The following IGDCC3 variants were observed in gnomAD, a reference collection of about 807,000 sequenced individuals.
IGDCC3 encodes the protein immunoglobulin superfamily DCC subclass member 3.
IGDCC3 carries 47 observed loss-of-function variants against 72.0 expected under a neutral mutation model. The ratio of observed to expected loss-of-function variants is 0.65; its 90% CI spans 0.52 to 0.83. The LOEUF is 0.83. Ranked by LOEUF, IGDCC3 falls within the 40% of genes least tolerant of loss-of-function variation. IGDCC3 has a pLI of 0.00. For synonymous variants in IGDCC3, 477 were observed against 472.8 expected, an observed-to-expected ratio of 1.01 and a Z score of -0.11; for missense variants, 1,038 against 1,091.3, an observed-to-expected ratio of 0.95 and a Z score of 0.69.
Position 65,377,599 on chromosome 15 carries a change from G to T in IGDCC3, c.103+87C>A. The T allele has an allele frequency of 7.9e-7, 1 of 1,259,312 alleles. No individual in the cohort carries two copies. The highest frequency in any genetic ancestry group is 1.0e-6 in the Non-Finnish European group (1 of 990,474). The allele number at this position is 1,259,312 out of a possible 1,614,324, so 78.0% of individuals were successfully genotyped here. On this transcript the variant is annotated intron_variant, in intron 1 of 13. Transcript: ENST00000327987. This position sits in a 1 kb window ranked among gnomAD's most constrained non-coding sequence, Gnocchi z 4.9. ...CCCTCAGGTCCGCGCCGCTCTCCCC[G>T]GGTCCGCCCCTCGCGCCCGCTCCCT... is the stretch of plus-strand genomic sequence containing the variant.
chr15:65,341,153 G>T (rs190216987), intron 2 of IGDCC3, among the ~76,000 whole-genome samples: 7 of 152,152 alleles, frequency 4.6e-5, no homozygotes, highest in Non-Finnish European at 7.4e-5. Context: ...AAGAGAGAGA[G>T]AAAAGACCCT....
intron 2 of IGDCC3, among the ~76,000 whole-genome samples, chr15:65,358,623 C>T (rs923110009): frequency 7.9e-5 from 12 of 152,074 alleles, no homozygotes; most frequent in Admixed American, 3.3e-4. Context: ...AGCCTCCGGG[C>T]CTAAATTAGA....
chr15:65,334,749 T>A lies in IGDCC3; in HGVS notation c.802A>T (p.Ile268Phe). Residue 268 changes from isoleucine (I) to phenylalanine (F), a missense_variant, in exon 5 of 14, where the codon ATT becomes TTT. Transcript: ENST00000327987. ...TCACCCAGGCGGCTCCAGGACACAA[T>A]GGGGCGCGGGTTGCCCGTGGCGACA... The part of the protein sequence containing the change: ...ECVATGNPRP[I>F]VSWSRLDGRP... The A allele has an allele frequency of 1.3e-6, 2 of 1,586,884 alleles. No individual in the cohort carries two copies. Among genetic ancestry groups the A allele is most frequent in the Non-Finnish European group, 1.7e-6 (2 of 1,166,718 alleles).
chr15:65,338,820 C>T (rs1277191731), intron 2 of IGDCC3, among the ~76,000 whole-genome samples: 1 of 152,234 alleles, frequency 6.6e-6, no homozygotes, highest in Non-Finnish European at 1.5e-5. Flanking sequence ...ACAGGATCCA[C>T]AATCTCTGGG....
intron 7 of IGDCC3, 93 bp downstream of exon 7, chr15:65,331,848 C>T: frequency 1.4e-6 from 2 of 1,458,286 alleles, no homozygotes; most frequent in Non-Finnish European, 1.9e-6. Context: ...TCTTCCCTGG[C>T]AGGAGGTGTA....
At chr15:65,342,659 T>C (rs1467829894) in intron 2 of IGDCC3, among the ~76,000 whole-genome samples, 1 of 152,014 alleles carries the variant, frequency 6.6e-6, no homozygotes, top group Non-Finnish European at 1.5e-5. Flanking sequence ...CTCCTCTCCA[T>C]CCTCATCACT....
chr15:65,351,512 C>CGACA (rs2091173303), intron 2 of IGDCC3, among the ~76,000 whole-genome samples: 1 of 142,646 alleles, frequency 7.0e-6, no homozygotes, highest in Non-Finnish European at 1.5e-5. Flanking sequence ...CCAGCCTGGG[C>CGACA]GACAGAGTGA....
chr15:65,356,847 G>GTTTTTTTTTTTTTTTT (rs1189300061), intron 2 of IGDCC3, among the ~76,000 whole-genome samples: 2 of 61,782 alleles, frequency 3.2e-5, no homozygotes, highest in Non-Finnish European at 6.3e-5. Flanking sequence ...GAATGGACCT[G>GTTTTTTTTTTTTTTTT]CTTTTTTTTT....
At chr15:65,331,777 C>T in intron 7 of IGDCC3, 118 bp from the exon 8 acceptor site, 1 of 1,403,770 alleles carries the variant, frequency 7.1e-7, no homozygotes, top group Non-Finnish European at 9.6e-7. Flanking sequence ...TGTGAGGTCT[C>T]CCAGCAAGTT....
intron 5 of IGDCC3, among the ~76,000 whole-genome samples, chr15:65,334,404 A>G (rs2091007599): frequency 2.0e-5 from 3 of 151,610 alleles, no homozygotes; most frequent in Non-Finnish European, 4.4e-5. Context: ...GCAGGAGGGG[A>G]CAGATTCTGG....
chr15:65,371,249 C>T (rs1418116989), intron 2 of IGDCC3, among the ~76,000 whole-genome samples: 1 of 152,242 alleles, frequency 6.6e-6, no homozygotes, highest in African/African-American at 2.4e-5. Context: ...GACCCATCAC[C>T]TCATTTACTC....
intron 2 of IGDCC3, among the ~76,000 whole-genome samples, chr15:65,357,888 TAGTC>T (rs1244718715): frequency 6.6e-6 from 1 of 152,190 alleles, no homozygotes; most frequent in Non-Finnish European, 1.5e-5. Flanking sequence ...TCTGCCTAGT[TAGTC>T]AGTTTAGAGA....
chr15:65,353,765 A>G (rs1379558836), intron 2 of IGDCC3, among the ~76,000 whole-genome samples: 2 of 152,268 alleles, frequency 1.3e-5, no homozygotes, highest in East Asian at 3.9e-4. Flanking sequence ...TGGCAACATC[A>G]GGAAGTTACC....
At chr15:65,370,618 G>A (rs11853383) in intron 2 of IGDCC3, among the ~76,000 whole-genome samples, 41 of 56,822 alleles carry the variant, frequency 7.2e-4, no homozygotes, top group African/African-American at 2.1e-3. Context: ...ATATATGTAT[G>A]TGTATATATA....
chr15:65,362,834 C>A (rs1019866555), intron 2 of IGDCC3, among the ~76,000 whole-genome samples: 13 of 140,890 alleles, frequency 9.2e-5, no homozygotes, highest in Admixed American at 3.6e-4. Context: ...TTATTACCAG[C>A]GAGGTTTGGG....
intron 2 of IGDCC3, among the ~76,000 whole-genome samples, chr15:65,348,539 A>C (rs899425145): frequency 4.6e-5 from 7 of 152,176 alleles, no homozygotes; most frequent in African/African-American, 7.2e-5. Context: ...TGCTGACTGG[A>C]AGACTTTGGG....
intron 2 of IGDCC3, among the ~76,000 whole-genome samples, chr15:65,369,890 C>G (rs2091312714): frequency 6.6e-6 from 1 of 152,118 alleles, no homozygotes; most frequent in African/African-American, 2.4e-5. Flanking sequence ...CACAGACCTC[C>G]ACCCAGACCC....
chr15:65,328,981 G>A lies in IGDCC3; in HGVS notation c.2373C>T (p.Gly791=). ...TGGAAGCCTGGCCTTCACTGAGGAG[G>A]CCAGGGCCTCCATCTGGGGGTGGTG... ...AAPPPPDGGP[G]LLSEGQASRP... is the part of the protein sequence containing the mutation. Residue 791 remains glycine, a synonymous_variant, in exon 14 of 14, where the codon GGC becomes GGT. Coordinates refer to ENST00000327987, the MANE Select transcript of IGDCC3 (RefSeq NM_004884.4). 1 of 1,608,092 alleles carries A rather than the reference G, an allele frequency of 6.2e-7. No homozygotes were observed. The highest frequency in any genetic ancestry group is 1.3e-5 in the African/African-American group (1 of 74,802).
intron 2 of IGDCC3, among the ~76,000 whole-genome samples, chr15:65,340,332 C>T (rs1567063678): frequency 6.6e-6 from 1 of 152,142 alleles, no homozygotes; most frequent in Non-Finnish European, 1.5e-5. Context: ...GGGAAGGAAG[C>T]TCAGGCCCCC....
Sources: allele counts gnomAD v4.1 joint callset (sites outside exome capture counted in the v4.1 genomes callset), GRCh38; gene constraint gnomAD v4.1.1; non-coding constraint Gnocchi (gnomAD v3.1); transcripts MANE v1.5; gene names NCBI Gene and HGNC (gene_info 2026-07-23, HGNC 2026-07-21).